OSBPL6: variants seen among roughly 807,000 people sequenced by gnomAD.
OSBPL6 encodes the protein oxysterol-binding protein-related protein 6.
OSBPL6 carries 49 observed loss-of-function variants against 125.8 expected under a neutral mutation model. The ratio of observed to expected loss-of-function variants is 0.39; its 90% confidence interval spans 0.31 to 0.49. OSBPL6 has a LOEUF of 0.49. OSBPL6 is among the 20% of genes least tolerant of loss of function. The pLI is 0.88. For synonymous variants in OSBPL6, 394 were observed against 391.8 expected, an observed-to-expected ratio of 1.01 and a Z score of -0.07; for missense variants, 986 against 1,135.4, an observed-to-expected ratio of 0.87 and a Z score of 1.89.
chr2:178,200,679 TACAGG>T (rs2089200341), intron 1 of OSBPL6, among the ~76,000 whole-genome samples: 1 of 152,222 alleles, frequency 6.6e-6, no homozygotes, highest in Admixed American at 6.5e-5. Flanking sequence ...TGGAGTGTTG[TACAGG>T]GGTGTTCCTT....
intron 15 of OSBPL6, among the ~76,000 whole-genome samples, chr2:178,377,404 T>A (rs1334556324): frequency 6.6e-6 from 1 of 152,206 alleles, no homozygotes; most frequent in Non-Finnish European, 1.5e-5. Context: ...ACCGTTCCCA[T>A]GATCCAATCA....
At chr2:178,221,636 G>C (rs1039932247) in intron 1 of OSBPL6, among the ~76,000 whole-genome samples, 1 of 152,274 alleles carries the variant, frequency 6.6e-6, no homozygotes, top group Non-Finnish European at 1.5e-5. Flanking sequence ...AGTAAGCACC[G>C]TCTATCAGCC....
At chr2:178,370,926 T>C (rs1458005446) in intron 13 of OSBPL6, among the ~76,000 whole-genome samples, 11 of 152,240 alleles carry the variant, frequency 7.2e-5, no homozygotes, top group Admixed American at 7.2e-4. Context: ...GAGGCTGCTC[T>C]GTGCTCCATG....
At chr2:178,278,183 G>A (rs1320278542) in intron 1 of OSBPL6, among the ~76,000 whole-genome samples, 1 of 152,074 alleles carries the variant, frequency 6.6e-6, no homozygotes, top group Admixed American at 6.5e-5. Context: ...CTCTTTTGAG[G>A]AACTTCTTCT....
chr2:178,350,082 C>T (rs1325832291), intron 12 of OSBPL6, among the ~76,000 whole-genome samples: 1 of 152,206 alleles, frequency 6.6e-6, no homozygotes, highest in Non-Finnish European at 1.5e-5. Flanking sequence ...TTGGTCAAAG[C>T]ACCATAGGCC....
intron 12 of OSBPL6, among the ~76,000 whole-genome samples, chr2:178,351,540 A>G (rs1691256214): frequency 2.0e-5 from 3 of 152,240 alleles, no homozygotes; most frequent in Non-Finnish European, 2.9e-5. Flanking sequence ...AAAGACCTGT[A>G]CACTGAGAAC....
chr2:178,318,369 T>G (rs1328769091), intron 3 of OSBPL6, among the ~76,000 whole-genome samples: 1 of 152,158 alleles, frequency 6.6e-6, no homozygotes, highest in African/African-American at 2.4e-5. Context: ...TTTCAGCCAC[T>G]GTTTCTAAAA....
chr2:178,388,367 A>G (rs1168716199), intron 20 of OSBPL6, among the ~76,000 whole-genome samples: 1 of 152,012 alleles, frequency 6.6e-6, no homozygotes, highest in Non-Finnish European at 1.5e-5. Flanking sequence ...CCTCCCTCCT[A>G]CCTGGAATCC....
intron 15 of OSBPL6, among the ~76,000 whole-genome samples, chr2:178,375,699 A>G (rs1256434640): frequency 6.6e-6 from 1 of 152,188 alleles, no homozygotes. Context: ...CTGGGATTAC[A>G]GGCATGAGCC....
intron 2 of OSBPL6, among the ~76,000 whole-genome samples, chr2:178,294,458 T>G (rs978603797): frequency 7.2e-5 from 11 of 152,140 alleles, no homozygotes; most frequent in Admixed American, 2.6e-4. Flanking sequence ...TGGAAAACGT[T>G]TTTTGAAAGG....
At chr2:178,255,083 C>A (rs1172212116) in intron 1 of OSBPL6, among the ~76,000 whole-genome samples, 1 of 152,206 alleles carries the variant, frequency 6.6e-6, no homozygotes, top group Non-Finnish European at 1.5e-5. Context: ...GTGGGCAGAT[C>A]ACCTGAGGTC....
Position 178,200,145 on chromosome 2 carries a change from T to A in OSBPL6, c.-351+5471T>A, listed in dbSNP as rs529301077. On this transcript the variant is annotated intron_variant, in intron 1 of 24. Transcript: ENST00000190611. Reference sequence around the variant, plus strand: ...TTAAGTTGGAGGTGCTGGAGCTTTTTAGTTGCTTCTTTTTGCTTTTAAAAT... The same window carrying A: ...TTAAGTTGGAGGTGCTGGAGCTTTTAAGTTGCTTCTTTTTGCTTTTAAAAT... Among the ~76,000 whole-genome samples the A allele has an allele frequency of 8.5e-4, 130 of 152,310 alleles. 1 individual carries two copies. In the South Asian group the frequency reaches 0.012, roughly 14 times the overall value.
chr2:178,208,400 C>T (rs1179739591), intron 1 of OSBPL6, among the ~76,000 whole-genome samples: 1 of 152,076 alleles, frequency 6.6e-6, no homozygotes, highest in Non-Finnish European at 1.5e-5. Context: ...TTAAAATTTG[C>T]TCGAAGTTAT....
At chr2:178,335,928 A>G (rs1317011685) in intron 8 of OSBPL6, among the ~76,000 whole-genome samples, 7 of 152,256 alleles carry the variant, frequency 4.6e-5, no homozygotes, top group Admixed American at 1.3e-4. Flanking sequence ...ATAAGGGTAC[A>G]GAAACCTTTT....
At chr2:178,356,563 A>G (rs1559287756) in intron 12 of OSBPL6, among the ~76,000 whole-genome samples, 1 of 152,246 alleles carries the variant, frequency 6.6e-6, no homozygotes, top group Non-Finnish European at 1.5e-5. Context: ...AGAGAACTAC[A>G]CACCACTGCA....
chr2:178,370,753 G>A (rs1479158558), intron 13 of OSBPL6, among the ~76,000 whole-genome samples: 2 of 152,064 alleles, frequency 1.3e-5, no homozygotes, highest in African/African-American at 2.4e-5. Flanking sequence ...CCATCAATGT[G>A]ACAGCCCTCC....
At chr2:178,360,842 C>T (rs1400643921) in intron 12 of OSBPL6, among the ~76,000 whole-genome samples, 1 of 152,132 alleles carries the variant, frequency 6.6e-6, no homozygotes, top group African/African-American at 2.4e-5. Context: ...GCCATTTTCC[C>T]CCTGTAATTC....
chr2:178,322,616 G>C (rs1688338493), intron 3 of OSBPL6, among the ~76,000 whole-genome samples: 2 of 151,646 alleles, frequency 1.3e-5, no homozygotes, highest in African/African-American at 4.9e-5. Flanking sequence ...GGTAGTTTCT[G>C]GTCTTGTACT....
At chr2:178,226,131 G>C (rs1273380179) in intron 1 of OSBPL6, among the ~76,000 whole-genome samples, 2 of 152,186 alleles carry the variant, frequency 1.3e-5, no homozygotes, top group Non-Finnish European at 2.9e-5. Flanking sequence ...TCATGGAGGA[G>C]GAAGTGTGGA....
Sources: allele counts gnomAD v4.1 joint callset (sites outside exome capture counted in the v4.1 genomes callset), GRCh38; gene constraint gnomAD v4.1.1; transcripts MANE v1.5; gene names NCBI Gene and HGNC (gene_info 2026-07-23, HGNC 2026-07-21).